The following PPP1R9A variants were observed in gnomAD, a reference collection of about 807,000 sequenced individuals.
The protein encoded by PPP1R9A is neurabin-1.
Under a neutral mutation model 141.9 loss-of-function variants are expected in PPP1R9A, and 59 were observed. The ratio of observed to expected loss-of-function variants is 0.42; its 90% CI spans 0.34 to 0.52. The LOEUF (loss-of-function observed/expected upper bound fraction) is 0.52, where lower values mean the gene tolerates loss of function less well. PPP1R9A is among the 20% of genes least tolerant of loss of function. The pLI is 0.10. For missense variants in PPP1R9A, 1,444 were observed against 1,611.9 expected (o/e 0.90, Z 1.78); for synonymous variants, 500 against 569.7 (o/e 0.88, Z 1.74).
intron 5 of PPP1R9A, among the ~76,000 whole-genome samples, chr7:95,179,839 A>C (rs1012610376): frequency 6.6e-5 from 10 of 151,468 alleles, no homozygotes; most frequent in Non-Finnish European, 1.3e-4. Flanking sequence ...AGACCTCTAC[A>C]AGGAAAACTA....
At chr7:95,218,782 G>A (rs1459353619) in intron 7 of PPP1R9A, among the ~76,000 whole-genome samples, 3 of 152,144 alleles carry the variant, frequency 2.0e-5, no homozygotes, top group Non-Finnish European at 4.4e-5. Context: ...CAGAGACTAG[G>A]ATTGCAACCC....
intron 2 of PPP1R9A, among the ~76,000 whole-genome samples, chr7:94,951,718 C>A (rs1796496398): frequency 1.3e-5 from 2 of 152,090 alleles, no homozygotes; most frequent in Non-Finnish European, 2.9e-5. Flanking sequence ...AAGGGTTATA[C>A]CAGTCTCCTA....
rs187202906 is a variant in PPP1R9A, at chr7:95,052,049, A to G, written c.1396-59210A>G. On this transcript the variant is annotated intron_variant, in intron 2 of 19. Coordinates refer to ENST00000433360, the MANE Select transcript of PPP1R9A (RefSeq NM_001166160.2). ...GAGATGGGGTTTCGCCGAGTTGGCC[A>G]GGTTGGTCTTAAACTCCTGACCTCA... is the stretch of plus-strand genomic sequence containing the variant. 6.6e-5 allele frequency among the ~76,000 whole-genome samples: 10 copies of G among 152,128 alleles called. No individual in the cohort carries two copies. The East Asian group carries it at 1.9e-3, about 30-fold the overall frequency.
In PPP1R9A at chr7:95,284,163, A is replaced by G. The variant is rs562021706; in HGVS notation, c.3442A>G (p.Ser1148Gly). 5.2e-5 allele frequency: 83 copies of G among 1,588,064 alleles called. No homozygotes were observed. The South Asian group carries it at 8.8e-4, about 17-fold the overall frequency. The part of the protein sequence containing the change: ...YSFRNLPAPT[S>G]SLQPSPETLI... ...CTTCAGGAACCTGCCTGCGCCTACA[A>G]GTTCCCTTCAGCCTTCTCCTGAGAC... The change falls in exon 17 of 20, where the codon AGT becomes GGT. Residue 1148 changes from serine (S) to glycine (G), a missense_variant. Transcript: ENST00000433360.
intron 8 of PPP1R9A, among the ~76,000 whole-genome samples, chr7:95,232,380 A>T (rs1796083341): frequency 6.6e-6 from 1 of 152,212 alleles, no homozygotes; most frequent in Admixed American, 6.5e-5. Flanking sequence ...TTCAAGATGG[A>T]TTAAAGACTT....
At chr7:94,958,804 G>A (rs1243294659) in intron 2 of PPP1R9A, among the ~76,000 whole-genome samples, 3 of 151,774 alleles carry the variant, frequency 2.0e-5, no homozygotes, top group Non-Finnish European at 4.4e-5. Context: ...AAATGGATTT[G>A]GTTATTTTCA....
intron 12 of PPP1R9A, among the ~76,000 whole-genome samples, chr7:95,259,175 A>G (rs1800052051): frequency 6.6e-6 from 1 of 152,188 alleles, no homozygotes; most frequent in Non-Finnish European, 1.5e-5. Flanking sequence ...TTAGGGATAA[A>G]TTTATGGAAT....
chr7:94,984,991 C>T (rs189326143), intron 2 of PPP1R9A, among the ~76,000 whole-genome samples: 30 of 152,238 alleles, frequency 2.0e-4, no homozygotes, highest in Admixed American at 1.5e-3. Context: ...TTTCCTTCTA[C>T]GCACTGTTTT....
chr7:95,219,102 G>GTTGTTTT (rs1242364663), intron 7 of PPP1R9A, among the ~76,000 whole-genome samples: 2 of 152,138 alleles, frequency 1.3e-5, no homozygotes, highest in Non-Finnish European at 2.9e-5. Context: ...TGCAGTGGGT[G>GTTGTTTT]GTACTGGTTG....
At chr7:95,019,986 G>C (rs962690945) in intron 2 of PPP1R9A, among the ~76,000 whole-genome samples, 3 of 152,016 alleles carry the variant, frequency 2.0e-5, no homozygotes, top group Admixed American at 6.6e-5. Context: ...GAAACAAACT[G>C]TATCATACCC....
chr7:95,165,366 A>G (rs1831084812), intron 5 of PPP1R9A, among the ~76,000 whole-genome samples: 1 of 152,214 alleles, frequency 6.6e-6, no homozygotes, highest in Admixed American at 6.5e-5. Context: ...AGGCTTTCAA[A>G]TACCCTTTTG....
intron 5 of PPP1R9A, chr7:95,175,072 CT>C (rs1307760970): frequency 6.6e-6 from 1 of 152,162 alleles, no homozygotes; most frequent in Non-Finnish European, 1.5e-5. Flanking sequence ...AATCTGCCAT[CT>C]TTTTGTAACC....
intron 10 of PPP1R9A, among the ~76,000 whole-genome samples, chr7:95,251,334 C>T (rs571651726): frequency 6.0e-4 from 92 of 152,282 alleles, no homozygotes; most frequent in African/African-American, 2.1e-3. Context: ...CCCCTCTTCA[C>T]TGTTATTCAT....
intron 2 of PPP1R9A, among the ~76,000 whole-genome samples, chr7:94,963,646 C>A (rs997501307): frequency 2.0e-5 from 3 of 152,154 alleles, no homozygotes; most frequent in African/African-American, 4.8e-5. Context: ...AAATAATATT[C>A]ATTGCATGGA....
At position 94,966,034 on chromosome 7, in the gene PPP1R9A, A is replaced by T. The variant is rs190166443; in HGVS notation, c.1395+54526A>T. On this transcript the variant is annotated intron_variant, in intron 2 of 19. Transcript: ENST00000433360. ...GTAGTTCTCCTTGAAGAGGTCCTTC[A>T]CATTCCTTTAAGTTGTATTCGTAGG... 1.7e-3 allele frequency among the ~76,000 whole-genome samples: 252 copies of T among 152,260 alleles called. 2 individuals carry two copies. Among genetic ancestry groups the T allele is most frequent in the African/African-American group, 5.4e-3 (226 of 41,544 alleles).
chr7:95,286,337 G>A lies in PPP1R9A; in HGVS notation c.3729+12G>A, dbSNP rs1444743790. 5 of 1,611,348 alleles carry A rather than the reference G, an allele frequency of 3.1e-6. No individual in the cohort carries two copies. The South Asian group carries it at 5.5e-5, about 18-fold the overall frequency. ...TGTCATCAGATGAGGTAATTCCATG[G>A]CACTATGACAGAGCTGCTTTGTCAA... On this transcript the variant is annotated intron_variant, in intron 18 of 19. Transcript: ENST00000433360.
At position 95,144,110 on chromosome 7, in the gene PPP1R9A, A is replaced by G. The variant is rs531568581; in HGVS notation, c.1650-17757A>G. 1.8e-4 allele frequency among the ~76,000 whole-genome samples: 28 copies of G among 152,190 alleles called. No homozygotes were observed. The South Asian group carries it at 5.8e-3, about 32-fold the overall frequency. ...TTGGTCTCCAGAATTTATTCATCTT[A>G]TAACAGAAAGTTTCTACTCTTTGAC... is the stretch of plus-strand genomic sequence containing the variant. On this transcript the variant is annotated intron_variant, in intron 4 of 19. Transcript: ENST00000433360.
chr7:95,099,155 A>C (rs527958476), intron 2 of PPP1R9A, among the ~76,000 whole-genome samples: 2 of 152,366 alleles, frequency 1.3e-5, no homozygotes, highest in South Asian at 2.1e-4. Flanking sequence ...GCTGAGACAC[A>C]TGCTAGAACA....
chr7:95,226,190 AT>A, intron 8 of PPP1R9A, 74 bp downstream of exon 8: 1 of 1,389,882 alleles, frequency 7.2e-7, no homozygotes, highest in Non-Finnish European at 9.7e-7. Flanking sequence ...TTCAAATAAT[AT>A]ATTAAGAATA....
Sources: allele counts gnomAD v4.1 joint callset (sites outside exome capture counted in the v4.1 genomes callset), GRCh38; gene constraint gnomAD v4.1.1; transcripts MANE v1.5; gene names NCBI Gene and HGNC (gene_info 2026-07-23, HGNC 2026-07-21).